SH3BP4: variants seen among roughly 807,000 people sequenced by gnomAD.
SH3BP4 encodes the protein SH3 domain-binding protein 4.
SH3BP4 carries 33 observed loss-of-function variants against 65.5 expected under a neutral mutation model. The ratio of observed to expected loss-of-function variants is 0.50; its 90% confidence interval spans 0.38 to 0.67. The LOEUF is 0.67. Among genes scored for constraint, SH3BP4 ranks in the 30% least tolerant of loss-of-function variants. The pLI is 0.00. For missense variants in SH3BP4, 1,134 were observed against 1,261.4 expected (o/e 0.90, Z 1.53); for synonymous variants, 552 against 545.5 (o/e 1.01, Z -0.17).
chr2:235,016,098 G>A (rs1694677136), intron 2 of SH3BP4, among the ~76,000 whole-genome samples: 1 of 139,872 alleles, frequency 7.1e-6, no homozygotes, highest in South Asian at 2.4e-4. Flanking sequence ...ATTAAATAAT[G>A]TCTGGAGACA....
At position 235,034,790 on chromosome 2, in the gene SH3BP4, GA is replaced by G. The variant is rs960787224; in HGVS notation, c.-132-80del. 34 of 558,396 alleles carry G rather than the reference GA, an allele frequency of 6.1e-5. No homozygotes were observed. The highest frequency in any genetic ancestry group is 6.0e-4 in the African/African-American group (32 of 52,920). The allele number at this position is 558,396 out of a possible 1,614,324, so 34.6% of individuals were successfully genotyped here. On this transcript the variant is annotated intron_variant, in intron 2 of 5. Coordinates refer to ENST00000392011, the MANE Select transcript of SH3BP4 (RefSeq NM_014521.3). This position sits in a 1 kb window ranked among gnomAD's most constrained non-coding sequence, Gnocchi z 6.2. Reference sequence around the variant, plus strand: ...CATTAGAACAGCCTGGAAGAAAGAGGATTCCCACTTCCCATAAAATTACCAT... The same window carrying G: ...CATTAGAACAGCCTGGAAGAAAGAGGTTCCCACTTCCCATAAAATTACCAT...
intron 1 of SH3BP4, among the ~76,000 whole-genome samples, chr2:234,961,500 G>A (rs1559223785): frequency 6.6e-6 from 1 of 152,062 alleles, no homozygotes; most frequent in African/African-American, 2.4e-5. Context: ...TCGAACTCCC[G>A]ACCTCAGGTG....
In SH3BP4 at chr2:235,030,811, C is replaced by T. The variant is rs929609885; in HGVS notation, c.-132-4060C>T. ...GGAGCAGAGCTTCCCTTTCAGCCCT[C>T]GGTGTGACTCCACCTGCTCAGGAAG... On this transcript the variant is annotated intron_variant, in intron 2 of 5. Transcript: ENST00000392011. The surrounding 1 kb of genome is among the most constrained non-coding windows in gnomAD (Gnocchi z 4.1). Among the ~76,000 whole-genome samples, 3 of 152,120 alleles carry T rather than the reference C, an allele frequency of 2.0e-5. No individual in the cohort carries two copies. Among genetic ancestry groups the T allele is most frequent in the Non-Finnish European group, 1.5e-5 (1 of 68,024 alleles).
intron 1 of SH3BP4, among the ~76,000 whole-genome samples, chr2:234,958,227 G>A (rs553140749): frequency 9.2e-5 from 14 of 152,204 alleles, no homozygotes; most frequent in African/African-American, 2.9e-4. Flanking sequence ...GCTTGGGTGC[G>A]CACATAAGCT....
At chr2:235,044,046 C>T (rs1028018557) in intron 4 of SH3BP4, among the ~76,000 whole-genome samples, 1 of 152,228 alleles carries the variant, frequency 6.6e-6, no homozygotes, top group African/African-American at 2.4e-5. Context: ...AGATGTGGTT[C>T]GTTAGATTCC....
rs1574816999 is a variant in SH3BP4 at position 235,010,544 on chromosome 2, TGGTGCCTGACACACACCCA to T, written c.-133+15170_-133+15188del. 2.0e-5 allele frequency among the ~76,000 whole-genome samples: 3 copies of T among 152,322 alleles called. No homozygotes were observed. In the East Asian group the frequency reaches 5.8e-4, roughly 29 times the overall value. On this transcript the variant is annotated intron_variant, in intron 2 of 5. Coordinates refer to ENST00000392011, the MANE Select transcript of SH3BP4 (RefSeq NM_014521.3). ...ATTAACACATTGAAAGCTTTTAGAATGGTGCCTGACACACACCCAGCAGCCAATGAATGTTGCAGGGCAT... is the reference window on the plus strand; with the variant it reads ...ATTAACACATTGAAAGCTTTTAGAATGCAGCCAATGAATGTTGCAGGGCAT...
chr2:234,970,117 T>A (rs1692953930), intron 1 of SH3BP4, among the ~76,000 whole-genome samples: 1 of 151,472 alleles, frequency 6.6e-6, no homozygotes, highest in South Asian at 2.1e-4. Context: ...TCACACACAC[T>A]CTCACACTCT....
At chr2:235,012,775 A>G (rs112572554) in intron 2 of SH3BP4, among the ~76,000 whole-genome samples, 57 of 152,206 alleles carry the variant, frequency 3.7e-4, no homozygotes, top group African/African-American at 1.2e-3. Context: ...TGCATTTCCA[A>G]CTCATGCCGT....
rs951061513 is a variant in SH3BP4 at position 235,054,132 on chromosome 2, T to A, written c.*316T>A. On this transcript the variant is annotated 3_prime_UTR_variant, in exon 6 of 6. Coordinates refer to ENST00000392011, the MANE Select transcript of SH3BP4 (RefSeq NM_014521.3). ...TGGTATCTAATTTTTTTATGGACCA[T>A]AAAGGTTTAAAAGAAAATAGGGGCA... The A allele has an allele frequency of 3.5e-6, 1 of 289,326 alleles. No individual in the cohort carries two copies. Among genetic ancestry groups the A allele is most frequent in the African/African-American group, 2.1e-5 (1 of 47,388 alleles). 17.9% of individuals were successfully genotyped at this position (289,326 alleles called of 1,614,324 possible).
rs1158648695 is a variant in SH3BP4 at position 234,974,211 on chromosome 2, C to CA, written c.-206-21088dup. ...TGAAGCCCCATCTCTAATAAAAATA[C>CA]AAAATTAGCCGGGCATGGTGGCGCA... On this transcript the variant is annotated intron_variant, in intron 1 of 5. Coordinates refer to ENST00000392011, the MANE Select transcript of SH3BP4 (RefSeq NM_014521.3). The surrounding 1 kb of genome is among the most constrained non-coding windows in gnomAD (Gnocchi z 4.6). Among the ~76,000 whole-genome samples the CA allele has an allele frequency of 6.6e-6, 1 of 151,878 alleles. No individual in the cohort carries two copies. Among genetic ancestry groups the CA allele is most frequent in the Non-Finnish European group, 1.5e-5 (1 of 67,964 alleles).
chr2:234,965,362 C>T (rs1470098054), intron 1 of SH3BP4, among the ~76,000 whole-genome samples: 1 of 152,210 alleles, frequency 6.6e-6, no homozygotes, highest in Non-Finnish European at 1.5e-5. Flanking sequence ...ACTCACCAGG[C>T]TGGGTAGTCA....
Position 235,042,984 on chromosome 2 carries a change from G to T in SH3BP4, c.2215G>T (p.Val739Leu), listed in dbSNP as rs1292665749. 1.2e-6 allele frequency: 2 copies of T among 1,612,224 alleles called. No homozygotes were observed. The highest frequency in any genetic ancestry group is 1.7e-6 in the Non-Finnish European group (2 of 1,178,956). The change falls in exon 4 of 6, where the codon GTG becomes TTG. Residue 739 changes from valine (V) to leucine (L), a missense_variant. Physicochemically the swap from Val to Leu is conservative, Grantham distance 32 (BLOSUM62 1). Coordinates refer to ENST00000392011, the MANE Select transcript of SH3BP4 (RefSeq NM_014521.3). The surrounding 1 kb of genome is among the most constrained non-coding windows in gnomAD (Gnocchi z 7.3). ...CTCGGGCCCCGAGCTGAGCACCTCG[G>T]TGCTGCTGGAGCAGATCCTGCGGCC... ...LCSGPELSTS[V>L]LLEQILRPCK... is the part of the protein sequence containing the mutation.
chr2:234,961,323 G>A (rs551793602), intron 1 of SH3BP4, among the ~76,000 whole-genome samples: 9 of 152,212 alleles, frequency 5.9e-5, no homozygotes, highest in Non-Finnish European at 1.2e-4. Flanking sequence ...CCAGGCTGGA[G>A]TGCAGTGGTG....
At position 235,042,309 on chromosome 2, in the gene SH3BP4, C is replaced by T; in HGVS notation, c.1540C>T (p.Pro514Ser). ...LLVSEVTRQA[P>S]NPAPVALQLW... ...GGTCAGCGAGGTCACACGCCAGGCACCCAACCCTGCCCCGGTGGCCCTGCA... is the reference window on the plus strand; with the variant it reads ...GGTCAGCGAGGTCACACGCCAGGCATCCAACCCTGCCCCGGTGGCCCTGCA... The change falls in exon 4 of 6, where the codon CCC becomes TCC. Residue 514 changes from proline to serine, a missense_variant. Transcript: ENST00000392011. The surrounding 1 kb of genome is among the most constrained non-coding windows in gnomAD (Gnocchi z 7.3). 1 of 1,614,152 alleles carries T rather than the reference C, an allele frequency of 6.2e-7. No individual in the cohort carries two copies. Among genetic ancestry groups the T allele is most frequent in the Non-Finnish European group, 8.5e-7 (1 of 1,180,036 alleles).
intron 2 of SH3BP4, among the ~76,000 whole-genome samples, chr2:235,003,652 G>A (rs1262007050): frequency 1.3e-5 from 2 of 152,222 alleles, no homozygotes; most frequent in African/African-American, 2.4e-5. Context: ...TTGCTCATCT[G>A]TAAAACGGGA....
intron 1 of SH3BP4, among the ~76,000 whole-genome samples, chr2:234,990,069 CG>C (rs1334901699): frequency 1.3e-5 from 2 of 152,168 alleles, no homozygotes; most frequent in South Asian, 2.1e-4. Flanking sequence ...GTATAAGGTA[CG>C]GATGAAACAT....
At chr2:235,009,560 C>T (rs903053750) in intron 2 of SH3BP4, among the ~76,000 whole-genome samples, 3 of 152,066 alleles carry the variant, frequency 2.0e-5, no homozygotes, top group African/African-American at 7.2e-5. Flanking sequence ...TTCTCTCTCT[C>T]CTTGGCCTCT....
chr2:234,953,672 C>T (rs1308782824), intron 1 of SH3BP4, among the ~76,000 whole-genome samples: 2 of 152,154 alleles, frequency 1.3e-5, no homozygotes, highest in African/African-American at 4.8e-5. Context: ...GGATGGACAG[C>T]GGCTGTACTT....
intron 2 of SH3BP4, among the ~76,000 whole-genome samples, chr2:235,024,863 G>C (rs1368123381): frequency 6.6e-6 from 1 of 152,126 alleles, no homozygotes; most frequent in African/African-American, 2.4e-5. Flanking sequence ...AATCCTTCCA[G>C]TGCCGAAGCT....
Sources: gnomAD v4.1 joint callset for allele counts (sites outside exome capture counted in the v4.1 genomes callset) on GRCh38, gnomAD v4.1.1 for gene constraint, Gnocchi (gnomAD v3.1) non-coding constraint, MANE v1.5 for transcripts, NCBI Gene and HGNC (gene_info 2026-07-23, HGNC 2026-07-21) for gene names.